The following DNAH5 variants were observed in gnomAD, a reference collection of about 807,000 sequenced individuals.
The protein encoded by DNAH5 is dynein axonemal heavy chain 5.
In DNAH5, 372 loss-of-function variants were observed where a neutral mutation model predicts 518.2. The ratio of observed to expected loss-of-function variants is 0.72; its 90% CI spans 0.66 to 0.78. The LOEUF (loss-of-function observed/expected upper bound fraction) is 0.78, where lower values mean the gene tolerates loss of function less well. DNAH5 is among the 30% of genes least tolerant of loss of function. The pLI is 0.00. For synonymous variants in DNAH5, 2,039 were observed against 2,025.9 expected (o/e 1.01, Z -0.17); for missense variants, 5,523 against 5,687.0 (o/e 0.97, Z 0.93).
chr5:13,793,656 T>C lies in DNAH5; in HGVS notation c.8083A>G (p.Thr2695Ala), dbSNP rs1757367177. ...FYNLEKPGEF[T>A]SIVDIQFLAA... ...AAAAACTGGATGTCCACGATGCTGG[T>C]GAACTCCCCAGGCTTCTCTAGATTA... is the stretch of plus-strand genomic sequence containing the variant. The change falls in exon 49 of 79, where the codon ACC (threonine) becomes GCC (alanine). Residue 2695 changes from threonine (T) to alanine (A), a missense_variant. This residue lies in a region of DNAH5 where 5,121 missense variants were observed against 5,223.3 expected (regional missense o/e 0.98). Transcript: ENST00000265104. 1 of 1,614,188 alleles carries C rather than the reference T, an allele frequency of 6.2e-7. No homozygotes were observed. The highest frequency in any genetic ancestry group is 8.5e-7 in the Non-Finnish European group (1 of 1,180,040).
Position 13,721,193 on chromosome 5 carries a change from A to G in DNAH5, c.12086T>C (p.Ile4029Thr). The stretch of plus-strand genomic sequence containing the variant: ...CTCCCACGTCTTCTCCAAGTCTAAA[A>G]TAACACCTTCGGCATATTTTTCTCC... Reference protein sequence around the residue: ...SMGEKYAEGVILDLEKTWEES... With the variant: ...SMGEKYAEGVTLDLEKTWEES... Residue 4029 changes from isoleucine to threonine, a missense_variant, in exon 71 of 79, where the codon ATT becomes ACT. Ile to Thr is a moderately conservative substitution (Grantham distance 89). Coordinates refer to ENST00000265104, the MANE Select transcript of DNAH5 (RefSeq NM_001369.3). The G allele has an allele frequency of 6.2e-7, 1 of 1,614,148 alleles. No individual in the cohort carries two copies. Among genetic ancestry groups the G allele is most frequent in the Non-Finnish European group, 8.5e-7 (1 of 1,180,004 alleles).
At chr5:13,872,276 G>A (rs987917098) in intron 22 of DNAH5, among the ~76,000 whole-genome samples, 11 of 152,300 alleles carry the variant, frequency 7.2e-5, no homozygotes, top group African/African-American at 2.6e-4. Context: ...TTAGGGGCAT[G>A]AAGGACAAAC....
intron 52 of DNAH5, among the ~76,000 whole-genome samples, chr5:13,785,776 T>C (rs1158281939): frequency 6.6e-6 from 1 of 152,242 alleles, no homozygotes; most frequent in Admixed American, 6.5e-5. Context: ...TTTACCCTTC[T>C]GAGTCTGGCT....
intron 50 of DNAH5, 91 bp from the exon 51 acceptor site, chr5:13,789,005 CTGATT>C: frequency 8.4e-7 from 1 of 1,184,544 alleles, no homozygotes; most frequent in Non-Finnish European, 1.2e-6. Flanking sequence ...ATTATCCTTC[CTGATT>C]TAAGATTCAA....
At chr5:13,752,065 T>C (rs1750308218) in intron 64 of DNAH5, 69 bp downstream of exon 64, 1 of 1,532,630 alleles carries the variant, frequency 6.5e-7, no homozygotes, top group Non-Finnish European at 9.0e-7. Context: ...GAGAGAATTC[T>C]ATCTGTGTCA....
intron 52 of DNAH5, among the ~76,000 whole-genome samples, chr5:13,785,461 A>T (rs1049909837): frequency 6.6e-6 from 1 of 152,212 alleles, no homozygotes; most frequent in African/African-American, 2.4e-5. Context: ...TTCATCTCAA[A>T]GTCAACTGTT....
At chr5:13,938,289 C>T (rs1444411058) in intron 1 of DNAH5, among the ~76,000 whole-genome samples, 2 of 152,102 alleles carry the variant, frequency 1.3e-5, no homozygotes, top group Non-Finnish European at 2.9e-5. Flanking sequence ...AGCAGTCAAA[C>T]ACTATATCAC....
At position 13,829,696 on chromosome 5, in the gene DNAH5, G is replaced by A; in HGVS notation, c.6258C>T (p.Gly2086=). 1.9e-6 allele frequency: 3 copies of A among 1,614,006 alleles called. No individual in the cohort carries two copies. In the East Asian group the frequency reaches 6.7e-5, roughly 36 times the overall value. The stretch of plus-strand genomic sequence containing the variant: ...CAGGGAGTTCCTGCCGTCCGGCATA[G>A]CCAGGATTCTAAACAGAAAATAAAG... The part of the protein sequence containing the change: ...EFGLFLTMNP[G]YAGRQELPEN... Residue 2086 remains glycine (G), a synonymous_variant, in exon 38 of 79, where the codon GGC becomes GGT. Transcript: ENST00000265104.
intron 77 of DNAH5, 106 bp downstream of exon 77, chr5:13,701,178 A>T: frequency 6.8e-7 from 1 of 1,481,232 alleles, no homozygotes; most frequent in Non-Finnish European, 9.4e-7. Context: ...AGTACCAAAA[A>T]GAGACAGTCA....
At chr5:13,851,564 C>G (rs1046771206) in intron 30 of DNAH5, among the ~76,000 whole-genome samples, 2 of 152,142 alleles carry the variant, frequency 1.3e-5, no homozygotes, top group Admixed American at 1.3e-4. Flanking sequence ...CCCACCTCAG[C>G]CTCCCAAAGT....
Position 13,829,527 on chromosome 5 carries a change from C to A in DNAH5, c.6427G>T (p.Glu2143Ter), listed in dbSNP as rs1064795496. Residue 2143 changes from glutamate to a stop codon, truncating the protein, a stop_gained, in exon 38 of 79, where the codon GAG (glutamate) becomes TAG (stop). Coordinates refer to ENST00000265104, the MANE Select transcript of DNAH5 (RefSeq NM_001369.3). LOFTEE classifies it high-confidence loss of function. ...TGACACACCTGCTTAGAAAGCTGCT[C>A]CTCACACAGTTTGTAGAGCGTGAAA... is the stretch of plus-strand genomic sequence containing the variant. Reference protein sequence around the residue: ...KFFTLYKLCEEQLSKQVHYDF... With the variant: ...KFFTLYKLCE 6.2e-7 allele frequency: 1 copy of A among 1,614,154 alleles called. No individual in the cohort carries two copies. The highest frequency in any genetic ancestry group is 8.5e-7 in the Non-Finnish European group (1 of 1,180,030).
chr5:13,773,041 G>A (rs1753561763), intron 55 of DNAH5, among the ~76,000 whole-genome samples: 1 of 152,204 alleles, frequency 6.6e-6, no homozygotes, highest in African/African-American at 2.4e-5. Flanking sequence ...AGTATTGGGT[G>A]TGGAGACATT....
chr5:13,859,040 G>A (rs1240401060), intron 30 of DNAH5, among the ~76,000 whole-genome samples: 8 of 151,330 alleles, frequency 5.3e-5, no homozygotes, highest in African/African-American at 1.9e-4. Flanking sequence ...TTACTGTACA[G>A]ATATAATTGG....
chr5:13,966,279 T>C (rs1420419479), intron 1 of DNAH5, among the ~76,000 whole-genome samples: 3 of 152,324 alleles, frequency 2.0e-5, no homozygotes, highest in Admixed American at 2.0e-4. Flanking sequence ...GCATTTGGGC[T>C]GGTTCCATAT....
chr5:13,880,730 A>G (rs1262187364), intron 21 of DNAH5, among the ~76,000 whole-genome samples: 1 of 151,998 alleles, frequency 6.6e-6, no homozygotes, highest in Non-Finnish European at 1.5e-5. Context: ...ATATATCACT[A>G]GAGAAAGCTA....
At chr5:13,986,639 C>T (rs1783071971) in intron 1 of DNAH5, among the ~76,000 whole-genome samples, 1 of 152,182 alleles carries the variant, frequency 6.6e-6, no homozygotes, top group African/African-American at 2.4e-5. Context: ...AGGTTACCTG[C>T]ATCTGCTTCT....
At chr5:13,842,573 A>G in intron 32 of DNAH5, among the ~76,000 whole-genome samples, 1 of 152,268 alleles carries the variant, frequency 6.6e-6, no homozygotes, top group Admixed American at 6.5e-5. Context: ...TAAAAGAAAT[A>G]TTTAATACAA....
chr5:13,990,732 T>A (rs1783483500), intron 1 of DNAH5, among the ~76,000 whole-genome samples: 1 of 151,762 alleles, frequency 6.6e-6, no homozygotes, highest in Non-Finnish European at 1.5e-5. Flanking sequence ...CCAGGCATGG[T>A]GGCGCGTGGC....
chr5:13,901,983 A>T, intron 13 of DNAH5, 70 bp downstream of exon 13: 1 of 1,087,030 alleles, frequency 9.2e-7, no homozygotes, highest in Non-Finnish European at 1.4e-6. Flanking sequence ...AATAATAATA[A>T]TAGGAATAAC....
Sources: gnomAD v4.1 joint callset for allele counts (sites outside exome capture counted in the v4.1 genomes callset) on GRCh38, gnomAD v4.1.1 for gene constraint, gnomAD v4.1.1 regional missense constraint, MANE v1.5 for transcripts, NCBI Gene and HGNC (gene_info 2026-07-23, HGNC 2026-07-21) for gene names.